The following PRKCA variants were observed in gnomAD, a reference collection of about 807,000 sequenced individuals.
PRKCA encodes the protein protein kinase C alpha, also known as protein kinase C alpha type.
In PRKCA, 27 loss-of-function variants were observed where a neutral mutation model predicts 87.0. The ratio of observed to expected loss-of-function variants is 0.31; its 90% CI spans 0.23 to 0.43. The LOEUF is 0.43. Ranked by LOEUF, PRKCA falls within the 20% of genes least tolerant of loss-of-function variation. The pLI, the probability that PRKCA is intolerant of heterozygous loss-of-function variation, is 1.00. For synonymous variants in PRKCA, 329 were observed against 311.1 expected, an observed-to-expected ratio of 1.06 and a Z score of -0.61; for missense variants, 518 against 852.3, an observed-to-expected ratio of 0.61 and a Z score of 4.88.
chr17:66,456,111 A>G (rs187858093), intron 2 of PRKCA, among the ~76,000 whole-genome samples: 1 of 152,058 alleles, frequency 6.6e-6, no homozygotes, highest in East Asian at 1.9e-4. Flanking sequence ...AGGAATGCCA[A>G]GATTTGCCAG....
At chr17:66,437,731 T>TTTTTTTTTTTTTTG (rs55779501) in intron 2 of PRKCA, among the ~76,000 whole-genome samples, 2 of 11,160 alleles carry the variant, frequency 1.8e-4, no homozygotes, top group Non-Finnish European at 3.3e-4. Context: ...TTTTTTTTTT[T>TTTTTTTTTTTTTTG]GAGCGGGGGG....
intron 5 of PRKCA, among the ~76,000 whole-genome samples, 177 bp from the exon 6 acceptor site, chr17:66,686,934 G>C (rs1018413265): frequency 6.6e-6 from 1 of 152,176 alleles, no homozygotes; most frequent in Non-Finnish European, 1.5e-5. Flanking sequence ...TATCTCTGCC[G>C]GTGGTGGCAG....
chr17:66,530,149 A>G (rs1160498802), intron 3 of PRKCA, among the ~76,000 whole-genome samples: 1 of 152,232 alleles, frequency 6.6e-6, no homozygotes, highest in East Asian at 1.9e-4. Context: ...TAGAATCCTT[A>G]TCGTCTTGAA....
chr17:66,435,801 A>G (rs1913358882), intron 2 of PRKCA, among the ~76,000 whole-genome samples: 1 of 152,156 alleles, frequency 6.6e-6, no homozygotes, highest in Non-Finnish European at 1.5e-5. Context: ...AAAAATGTGA[A>G]GAGAGGTTTC....
intron 2 of PRKCA, among the ~76,000 whole-genome samples, chr17:66,401,698 T>A (rs1911040338): frequency 6.6e-6 from 1 of 152,138 alleles, no homozygotes; most frequent in South Asian, 2.1e-4. Context: ...ACCTGCCAAA[T>A]ACTTAAAAAA....
intron 3 of PRKCA, among the ~76,000 whole-genome samples, chr17:66,584,222 G>A (rs1969528211): frequency 6.6e-6 from 1 of 151,810 alleles, no homozygotes; most frequent in South Asian, 2.1e-4. Flanking sequence ...TTTGTTTTTG[G>A]CTTTTGTTTT....
At chr17:66,511,930 C>G (rs1174822515) in intron 3 of PRKCA, among the ~76,000 whole-genome samples, 3 of 152,092 alleles carry the variant, frequency 2.0e-5, no homozygotes, top group Admixed American at 1.3e-4. Context: ...TTCTACCCCC[C>G]TCAGCCTTCC....
At chr17:66,473,499 TACC>T (rs1316235053) in intron 2 of PRKCA, among the ~76,000 whole-genome samples, 3 of 152,138 alleles carry the variant, frequency 2.0e-5, no homozygotes, top group Non-Finnish European at 2.9e-5. Flanking sequence ...GACCCTCAGT[TACC>T]AGAGTCCCTC....
intron 8 of PRKCA, among the ~76,000 whole-genome samples, chr17:66,714,252 C>A (rs530062475): frequency 6.6e-6 from 1 of 151,928 alleles, no homozygotes; most frequent in East Asian, 1.9e-4. Flanking sequence ...AGAATGCCCC[C>A]TTGTGAGTCC....
intron 2 of PRKCA, among the ~76,000 whole-genome samples, chr17:66,384,547 A>G (rs1341457458): frequency 2.6e-5 from 4 of 152,180 alleles, no homozygotes; most frequent in Admixed American, 2.6e-4. Flanking sequence ...TCTTGAGGGA[A>G]CCATTCCAAG....
intron 2 of PRKCA, among the ~76,000 whole-genome samples, chr17:66,450,802 A>AT (rs1914271937): frequency 6.6e-6 from 1 of 152,216 alleles, no homozygotes; most frequent in Admixed American, 6.5e-5. Context: ...GTACTAGTAC[A>AT]TTTGTCTTCA....
intron 2 of PRKCA, among the ~76,000 whole-genome samples, chr17:66,345,172 CA>C (rs1907282301): frequency 6.6e-6 from 1 of 152,112 alleles, no homozygotes; most frequent in South Asian, 2.1e-4. Flanking sequence ...TTGGAAATAG[CA>C]AAATACACAG....
At chr17:66,455,912 C>T (rs761931560) in intron 2 of PRKCA, among the ~76,000 whole-genome samples, 2 of 152,150 alleles carry the variant, frequency 1.3e-5, no homozygotes, top group Non-Finnish European at 2.9e-5. Context: ...TCCAGAACCT[C>T]ACAATGTCAC....
intron 3 of PRKCA, among the ~76,000 whole-genome samples, chr17:66,497,345 A>G (rs1916519621): frequency 6.6e-6 from 1 of 152,052 alleles, no homozygotes; most frequent in African/African-American, 2.4e-5. Context: ...TAAAAATACA[A>G]AATTAGCTGG....
Position 66,741,644 on chromosome 17 carries a change from C to A in PRKCA, c.1323-15C>A, listed in dbSNP as rs765337839. 1.9e-6 allele frequency: 3 copies of A among 1,613,786 alleles called. No homozygotes were observed. Among genetic ancestry groups the A allele is most frequent in the African/African-American group, 2.7e-5 (2 of 75,024 alleles). On this transcript the variant is annotated splice_polypyrimidine_tract_variant and intron_variant, in intron 11 of 16. Transcript: ENST00000413366. ...GGAAGCAAGTGAGAAACCTGAAGCCCGTTTTCTTTTGCAGATTCTATGCGG... is the reference window on the plus strand; with the variant it reads ...GGAAGCAAGTGAGAAACCTGAAGCCAGTTTTCTTTTGCAGATTCTATGCGG...
chr17:66,666,837 C>A (rs941502705), intron 5 of PRKCA, among the ~76,000 whole-genome samples: 5 of 151,934 alleles, frequency 3.3e-5, no homozygotes, highest in Admixed American at 2.6e-4. Context: ...ATCCCCCCCC[C>A]ACACACAAAT....
At chr17:66,317,786 T>A (rs977762759) in intron 2 of PRKCA, among the ~76,000 whole-genome samples, 28 of 152,238 alleles carry the variant, frequency 1.8e-4, no homozygotes, top group African/African-American at 6.5e-4. Context: ...GGCTGTACAC[T>A]AGCTTAAATC....
At chr17:66,748,819 C>T (rs926873019) in intron 13 of PRKCA, among the ~76,000 whole-genome samples, 5 of 151,512 alleles carry the variant, frequency 3.3e-5, no homozygotes, top group South Asian at 2.1e-4. Context: ...GGGGAAATGC[C>T]GGAGAGAGAG....
intron 14 of PRKCA, chr17:66,777,247 G>C: frequency 1.0e-6 from 1 of 985,400 alleles, no homozygotes; most frequent in Non-Finnish European, 1.2e-6. Flanking sequence ...TTGCCTCTAG[G>C]ATGGGAGGCT....
Sources: allele counts gnomAD v4.1 joint callset (sites outside exome capture counted in the v4.1 genomes callset), GRCh38; gene constraint gnomAD v4.1.1; transcripts MANE v1.5; gene names NCBI Gene and HGNC (gene_info 2026-07-23, HGNC 2026-07-21).